The following RAP1B variants were observed in gnomAD, a reference collection of about 807,000 sequenced individuals.
RAP1B encodes the protein RAP1B, member of RAS oncogene family, also known as ras-related protein Rap-1b.
A neutral mutation model predicts 27.5 loss-of-function variants in RAP1B; 1 was observed. That is an observed-to-expected ratio of 0.04 (90% CI 0.01 to 0.17). The LOEUF is 0.17. RAP1B is among the 10% of genes least tolerant of loss of function. RAP1B has a pLI of 1.00. For missense variants in RAP1B, 84 were observed against 214.8 expected (o/e 0.39, Z 3.81); for synonymous variants, 75 against 73.1 (o/e 1.03, Z -0.13).
intron 1 of RAP1B, among the ~76,000 whole-genome samples, chr12:68,633,943 G>A (rs76712646): frequency 6.6e-6 from 1 of 152,204 alleles, no homozygotes; most frequent in East Asian, 1.9e-4. Flanking sequence ...ATGTTTTCTC[G>A]TTGCCTCTTG....
At chr12:68,637,599 CAAAAAAA>C (rs58656248) in intron 1 of RAP1B, among the ~76,000 whole-genome samples, 8 of 34,234 alleles carry the variant, frequency 2.3e-4, no homozygotes, top group African/African-American at 5.7e-4. Flanking sequence ...AACTCCATCT[CAAAAAAA>C]AAAAAAAAAA....
rs1592478558 is a variant in RAP1B, at chr12:68,667,128, T to C, written c.*7879T>C. The C allele has an allele frequency of 6.6e-6, 1 of 152,196 alleles. No individual in the cohort carries two copies. The highest frequency in any genetic ancestry group is 6.5e-5 in the Admixed American group (1 of 15,276). The allele number at this position is 152,196 out of a possible 1,614,324, so 9.4% of individuals were successfully genotyped here. A position where few individuals can be genotyped will look rare whatever the true frequency, so the allele number is the denominator to read the frequency against. On this transcript the variant is annotated 3_prime_UTR_variant, in exon 8 of 8. Coordinates refer to ENST00000250559, the MANE Select transcript of RAP1B (RefSeq NM_001010942.3). ...CTTTTACTTAGATCTAATAGTAATATAACAAACTTTTCTTTTTCATTTTCA... is the reference window on the plus strand; with the variant it reads ...CTTTTACTTAGATCTAATAGTAATACAACAAACTTTTCTTTTTCATTTTCA...
chr12:68,641,306 C>T (rs1298592559), intron 1 of RAP1B, among the ~76,000 whole-genome samples: 1 of 152,174 alleles, frequency 6.6e-6, no homozygotes, highest in African/African-American at 2.4e-5. Flanking sequence ...GAGCCACCAC[C>T]CCCTTCTTCC....
Position 68,654,554 on chromosome 12 carries a change from C to T in RAP1B, c.324+302C>T, listed in dbSNP as rs1020997329. Among the ~76,000 whole-genome samples the T allele has an allele frequency of 4.0e-5, 6 of 150,952 alleles. No homozygotes were observed. In the East Asian group the frequency reaches 7.8e-4, roughly 20 times the overall value. ...TTGCCCAGGCTGAAGTGCTGTGGTG[C>T]GATAGCTGTACCTCCCGGGTTCACG... On this transcript the variant is annotated intron_variant, in intron 5 of 7. Coordinates refer to ENST00000250559, the MANE Select transcript of RAP1B (RefSeq NM_001010942.3).
chr12:68,632,998 T>C (rs1872375726), intron 1 of RAP1B, among the ~76,000 whole-genome samples: 1 of 152,198 alleles, frequency 6.6e-6, no homozygotes, highest in African/African-American at 2.4e-5. Context: ...ATGTTATGGT[T>C]TATTGTACAA....
intron 6 of RAP1B, 139 bp downstream of exon 6, chr12:68,656,588 T>G: frequency 2.6e-6 from 2 of 761,796 alleles, no homozygotes; most frequent in Non-Finnish European, 4.4e-6. Flanking sequence ...ACCCTCATGT[T>G]AAATGTATCT....
intron 1 of RAP1B, chr12:68,627,404 A>C: frequency 5.5e-6 from 3 of 548,076 alleles, no homozygotes; most frequent in South Asian, 1.9e-5. Context: ...ACACAAATAT[A>C]CCCAATCCCT....
rs1266544069 is a variant in RAP1B at position 68,660,775 on chromosome 12, T to TA, written c.*1527dup. ...ATTTTGTAAATCAAGCAGTATTACT[T>TA]ACGAATAAATGCCTTTGGGTAATGT... On this transcript the variant is annotated 3_prime_UTR_variant, in exon 8 of 8. Transcript: ENST00000250559. 6.6e-6 allele frequency: 1 copy of TA among 152,232 alleles called. No homozygotes were observed. Among genetic ancestry groups the TA allele is most frequent in the Non-Finnish European group, 1.5e-5 (1 of 68,032 alleles). 9.4% of individuals were successfully genotyped at this position (152,232 alleles called of 1,614,324 possible).
In RAP1B at chr12:68,650,632, G is replaced by T. The variant is rs539131966; in HGVS notation, c.126+164G>T. 9.6e-5 allele frequency: 61 copies of T among 636,778 alleles called. No individual in the cohort carries two copies. The African/African-American group carries it at 1.1e-3, about 12-fold the overall frequency. The allele number at this position is 636,778 out of a possible 1,614,324, so 39.4% of individuals were successfully genotyped here. ...TGGCATTGCATAGTTACCAGTTTAA[G>T]AGGATCATAAACACCCATACTCTCA... On this transcript the variant is annotated intron_variant, in intron 3 of 7. Transcript: ENST00000250559.
rs1030346355 is a variant in RAP1B, at chr12:68,630,826, G to A, written c.-26-17873G>A. Among the ~76,000 whole-genome samples, 12 of 152,008 alleles carry A rather than the reference G, an allele frequency of 7.9e-5. No individual in the cohort carries two copies. In the East Asian group the frequency reaches 1.9e-3, roughly 24 times the overall value. ...CTCCCGGGTAGGTGGAACTACAGGCGCAGGCCACCACGCCTGGCTAATTTT... is the reference window on the plus strand; with the variant it reads ...CTCCCGGGTAGGTGGAACTACAGGCACAGGCCACCACGCCTGGCTAATTTT... On this transcript the variant is annotated intron_variant, in intron 1 of 7. Coordinates refer to ENST00000250559, the MANE Select transcript of RAP1B (RefSeq NM_001010942.3).
intron 7 of RAP1B, among the ~76,000 whole-genome samples, chr12:68,658,726 A>G (rs547023291): frequency 1.8e-4 from 27 of 152,358 alleles, no homozygotes; most frequent in African/African-American, 6.3e-4. Context: ...AAATCTGTAA[A>G]ACACCATCAT....
intron 1 of RAP1B, chr12:68,624,691 C>T (rs553491690): frequency 1.3e-5 from 2 of 152,354 alleles, no homozygotes; most frequent in African/African-American, 4.8e-5. Flanking sequence ...TGGTGTGTTC[C>T]TGTAGTCCCA....
intron 1 of RAP1B, among the ~76,000 whole-genome samples, chr12:68,644,876 C>CT (rs925800695): frequency 2.0e-5 from 3 of 151,702 alleles, no homozygotes; most frequent in African/African-American, 7.2e-5. Flanking sequence ...TTAGTAGAGG[C>CT]TTTGCCATGT....
chr12:68,614,382 C>T (rs1013342337), intron 1 of RAP1B, among the ~76,000 whole-genome samples: 2 of 152,134 alleles, frequency 1.3e-5, no homozygotes, highest in Admixed American at 6.5e-5. Context: ...CTGTGTTTCT[C>T]TGTATGTTTG....
intron 1 of RAP1B, among the ~76,000 whole-genome samples, chr12:68,623,039 T>C (rs745441549): frequency 1.3e-4 from 20 of 152,264 alleles, no homozygotes; most frequent in Non-Finnish European, 2.8e-4. Context: ...TATGTCCAAC[T>C]ATAATTCCTC....
chr12:68,646,610 A>C (rs1247106262), intron 1 of RAP1B, among the ~76,000 whole-genome samples: 2 of 152,176 alleles, frequency 1.3e-5, no homozygotes, highest in African/African-American at 2.4e-5. Context: ...TTTTTAGAAC[A>C]CTTCCATCAC....
At chr12:68,646,156 G>GA (rs1008026407) in intron 1 of RAP1B, among the ~76,000 whole-genome samples, 3 of 152,186 alleles carry the variant, frequency 2.0e-5, no homozygotes, top group Admixed American at 2.0e-4. Flanking sequence ...ACGTCTCTTA[G>GA]AAAAATCACC....
chr12:68,656,992 C>T, intron 6 of RAP1B, 109 bp from the exon 7 acceptor site: 1 of 922,582 alleles, frequency 1.1e-6, no homozygotes, highest in East Asian at 2.5e-5. Flanking sequence ...CTGAACAATT[C>T]TGGGCATTAA....
chr12:68,657,988 G>T (rs980833463), intron 7 of RAP1B, among the ~76,000 whole-genome samples: 1 of 152,072 alleles, frequency 6.6e-6, no homozygotes, highest in Non-Finnish European at 1.5e-5. Flanking sequence ...ATAGGTAAAG[G>T]TGTACCATGG....
Sources: gnomAD v4.1 joint callset for allele counts (sites outside exome capture counted in the v4.1 genomes callset) on GRCh38, gnomAD v4.1.1 for gene constraint, MANE v1.5 for transcripts, NCBI Gene and HGNC (gene_info 2026-07-23, HGNC 2026-07-21) for gene names.